TMEM132C: variants seen among roughly 807,000 people sequenced by gnomAD.
TMEM132C encodes transmembrane protein 132C.
TMEM132C carries 29 observed loss-of-function variants against 61.4 expected under a neutral mutation model. That is an observed-to-expected ratio of 0.47 (90% CI 0.35 to 0.64). TMEM132C has a LOEUF of 0.64. TMEM132C is among the 30% of genes least tolerant of loss of function. TMEM132C has a pLI of 0.00. For synonymous variants in TMEM132C, 656 were observed against 633.1 expected, an observed-to-expected ratio of 1.04 and a Z score of -0.54; for missense variants, 1,408 against 1,476.9, an observed-to-expected ratio of 0.95 and a Z score of 0.76.
chr12:128,629,845 A>G (rs2135593339), intron 4 of TMEM132C, among the ~76,000 whole-genome samples: 1 of 152,152 alleles, frequency 6.6e-6, no homozygotes, highest in South Asian at 2.1e-4. Flanking sequence ...GCACACCTGT[A>G]ATCCCAGCTA....
chr12:128,276,110 G>A (rs989188216), intron 1 of TMEM132C, among the ~76,000 whole-genome samples: 3 of 152,166 alleles, frequency 2.0e-5, no homozygotes, highest in Admixed American at 6.5e-5. Context: ...CATCTGAAAA[G>A]AGATTTTTTT....
chr12:128,532,892 G>A lies in TMEM132C; in HGVS notation c.975-11065G>A, dbSNP rs571964900. Among the ~76,000 whole-genome samples, 98 of 152,198 alleles carry A rather than the reference G, an allele frequency of 6.4e-4. 2 individuals are homozygous for A. In the South Asian group the frequency reaches 0.019, roughly 29 times the overall value. ...AAAGCAGCAGCAATACCCATGCCAC[G>A]TTTGTTGATATACACACCCTGATCC... is the stretch of plus-strand genomic sequence containing the variant. On this transcript the variant is annotated intron_variant, in intron 2 of 8. Coordinates refer to ENST00000435159, the MANE Select transcript of TMEM132C (RefSeq NM_001136103.3).
chr12:128,382,973 GGTCT>G (rs1229687882), intron 1 of TMEM132C, among the ~76,000 whole-genome samples: 1 of 151,802 alleles, frequency 6.6e-6, no homozygotes, highest in African/African-American at 2.4e-5. Context: ...TGTGTGTACA[GGTCT>G]GTCTCTGTGT....
At chr12:128,461,966 A>G (rs1870546649) in intron 2 of TMEM132C, among the ~76,000 whole-genome samples, 1 of 152,168 alleles carries the variant, frequency 6.6e-6, no homozygotes, top group African/African-American at 2.4e-5. Flanking sequence ...TGCAAACACA[A>G]TCGGATTGGA....
chr12:128,636,714 G>A (rs1954107253), intron 4 of TMEM132C, among the ~76,000 whole-genome samples: 1 of 151,890 alleles, frequency 6.6e-6, no homozygotes, highest in Non-Finnish European at 1.5e-5. Flanking sequence ...TAGAACATAC[G>A]TATTCACCTG....
chr12:128,643,181 C>T (rs983475475), intron 4 of TMEM132C, among the ~76,000 whole-genome samples: 1 of 152,134 alleles, frequency 6.6e-6, no homozygotes, highest in Non-Finnish European at 1.5e-5. Flanking sequence ...AGTAACACCA[C>T]GTGGGACAAG....
chr12:128,698,796 A>G (rs1274499939), intron 8 of TMEM132C, among the ~76,000 whole-genome samples: 1 of 152,190 alleles, frequency 6.6e-6, no homozygotes, highest in African/African-American at 2.4e-5. Flanking sequence ...GGAAGCTCAG[A>G]TTAAATCCAC....
At chr12:128,686,088 T>TGCATGTG (rs1491177697) in intron 5 of TMEM132C, among the ~76,000 whole-genome samples, 2 of 138,676 alleles carry the variant, frequency 1.4e-5, no homozygotes, top group Admixed American at 6.9e-5. Context: ...CGCATGTGTG[T>TGCATGTG]TGTGTGCGCA....
At chr12:128,312,111 C>T (rs559416313) in intron 1 of TMEM132C, among the ~76,000 whole-genome samples, 1 of 152,312 alleles carries the variant, frequency 6.6e-6, no homozygotes, top group South Asian at 2.1e-4. Context: ...CCTTCCCTCC[C>T]TCTCTCAGTT....
intron 2 of TMEM132C, among the ~76,000 whole-genome samples, chr12:128,437,076 CA>C (rs1343658286): frequency 1.3e-5 from 2 of 151,966 alleles, no homozygotes; most frequent in Non-Finnish European, 2.9e-5. Context: ...TGTTCTCAAT[CA>C]TAGGTGGGAA....
chr12:128,421,369 T>C (rs1005977191), intron 2 of TMEM132C, among the ~76,000 whole-genome samples: 2 of 152,210 alleles, frequency 1.3e-5, no homozygotes, highest in African/African-American at 4.8e-5. Flanking sequence ...TCACAGAATG[T>C]TGGATCATCG....
chr12:128,268,103 G>C (rs115856885), intron 1 of TMEM132C, among the ~76,000 whole-genome samples: 1,876 of 152,288 alleles, frequency 0.012, 40 homozygotes, highest in African/African-American at 0.042. Context: ...TCTCTCAAAT[G>C]AGTCCTTTGC....
chr12:128,455,193 G>A, intron 2 of TMEM132C, among the ~76,000 whole-genome samples: 1 of 152,230 alleles, frequency 6.6e-6, no homozygotes, highest in Non-Finnish European at 1.5e-5. Context: ...AGTCTAAGGT[G>A]TGATTACAGC....
At chr12:128,579,161 A>G (rs922485707) in intron 3 of TMEM132C, among the ~76,000 whole-genome samples, 3 of 152,174 alleles carry the variant, frequency 2.0e-5, no homozygotes, top group Non-Finnish European at 4.4e-5. Flanking sequence ...CGAGCACCTG[A>G]AGGAGCCTCC....
In TMEM132C at chr12:128,707,272, T is replaced by C. The variant is rs1750717880; in HGVS notation, c.*977T>C. 1.3e-5 allele frequency: 2 copies of C among 152,212 alleles called. No individual in the cohort carries two copies. The highest frequency in any genetic ancestry group is 4.1e-4 in the South Asian group (2 of 4,828). The allele number at this position is 152,212 out of a possible 1,614,324, so 9.4% of individuals were successfully genotyped here. On this transcript the variant is annotated 3_prime_UTR_variant, in exon 9 of 9. Transcript: ENST00000435159. ...CTGACCCCTCGGGATTCCACCCCTG[T>C]CATCGTGGGGATGTTCCTATATGGG...
In TMEM132C at chr12:128,415,631, A is replaced by T. The variant is rs1282570223; in HGVS notation, c.974+11A>T. 2.0e-6 allele frequency: 3 copies of T among 1,507,884 alleles called. No homozygotes were observed. In the African/African-American group the frequency reaches 4.1e-5, roughly 21 times the overall value. 93.4% of individuals were successfully genotyped at this position (1,507,884 alleles called of 1,614,324 possible). A position where few individuals can be genotyped will look rare whatever the true frequency, so the allele number is the denominator to read the frequency against. The stretch of plus-strand genomic sequence containing the variant: ...CCTCTTCATCTTGAGGTAGGTGCCC[A>T]TGCTTGCCCCTGATCATCTTTGGCA... On this transcript the variant is annotated intron_variant, in intron 2 of 8. Coordinates refer to ENST00000435159, the MANE Select transcript of TMEM132C (RefSeq NM_001136103.3). The surrounding 1 kb of genome is among the most constrained non-coding windows in gnomAD (Gnocchi z 5.8).
At chr12:128,356,161 G>T (rs992234186) in intron 1 of TMEM132C, among the ~76,000 whole-genome samples, 1 of 152,218 alleles carries the variant, frequency 6.6e-6, no homozygotes, top group Admixed American at 6.5e-5. Context: ...AACTCCAGGA[G>T]AAATATTTAG....
chr12:128,549,389 TC>T, intron 3 of TMEM132C, among the ~76,000 whole-genome samples: 1 of 152,040 alleles, frequency 6.6e-6, no homozygotes, highest in Middle Eastern at 3.4e-3. Context: ...CGTGCTGCAC[TC>T]AGTAAAGCCA....
At position 128,704,978 on chromosome 12, in the gene TMEM132C, G is replaced by C; in HGVS notation, c.2122-112G>C. 4 of 1,187,558 alleles carry C rather than the reference G, an allele frequency of 3.4e-6. No individual in the cohort carries two copies. In the South Asian group the frequency reaches 5.1e-5, roughly 15 times the overall value. The allele number at this position is 1,187,558 out of a possible 1,614,324, so 73.6% of individuals were successfully genotyped here. A position where few individuals can be genotyped will look rare whatever the true frequency, so the allele number is the denominator to read the frequency against. On this transcript the variant is annotated intron_variant, in intron 8 of 8. Coordinates refer to ENST00000435159, the MANE Select transcript of TMEM132C (RefSeq NM_001136103.3). Reference sequence around the variant, plus strand: ...TTTCTCCCCAGATGCATGAGCTACTGGGTCTGGATTTGAGGTCCTGCTCCC... The same window carrying C: ...TTTCTCCCCAGATGCATGAGCTACTCGGTCTGGATTTGAGGTCCTGCTCCC...
Sources: gnomAD v4.1 joint callset for allele counts (sites outside exome capture counted in the v4.1 genomes callset) on GRCh38, gnomAD v4.1.1 for gene constraint, Gnocchi (gnomAD v3.1) non-coding constraint, MANE v1.5 for transcripts, NCBI Gene and HGNC (gene_info 2026-07-23, HGNC 2026-07-21) for gene names.